ASXL1: variants seen among roughly 807,000 people sequenced by gnomAD.
The protein encoded by ASXL1 is ASXL transcriptional regulator 1, also known as polycomb group protein ASXL1.
In ASXL1, 65 loss-of-function variants were observed where a neutral mutation model predicts 89.1. The ratio of observed to expected loss-of-function variants is 0.73; its 90% CI spans 0.60 to 0.90. The LOEUF (loss-of-function observed/expected upper bound fraction) is 0.90. Ranked by LOEUF, ASXL1 falls within the 40% of genes least tolerant of loss-of-function variation. The pLI is 0.00. For synonymous variants in ASXL1, 739 were observed against 746.9 expected, an observed-to-expected ratio of 0.99 and a Z score of 0.17; for missense variants, 1,786 against 1,942.9, an observed-to-expected ratio of 0.92 and a Z score of 1.52.
intron 3 of ASXL1, among the ~76,000 whole-genome samples, chr20:32,368,437 C>G (rs2048241238): frequency 6.6e-6 from 1 of 152,056 alleles, no homozygotes. Flanking sequence ...AATAATTGTT[C>G]CTGGGTAGAT....
rs1292736851 is a variant in ASXL1, at chr20:32,358,800, A to G, written c.25A>G (p.Lys9Glu). 1.3e-6 allele frequency: 2 copies of G among 1,483,336 alleles called. No individual in the cohort carries two copies. The highest frequency in any genetic ancestry group is 1.2e-5 in the South Asian group (1 of 80,386). 91.9% of individuals were successfully genotyped at this position (1,483,336 alleles called of 1,614,324 possible). A position where few individuals can be genotyped will look rare whatever the true frequency, so the allele number is the denominator to read the frequency against. MKDKQKKK[K>E]ERTWAEAARL... ...GATGAAGGACAAACAGAAGAAGAAGAAGGAGCGCACGTGGGCCGAGGCCGC... is the reference window on the plus strand; with the variant it reads ...GATGAAGGACAAACAGAAGAAGAAGGAGGAGCGCACGTGGGCCGAGGCCGC... Residue 9 changes from lysine (K) to glutamate (E), a missense_variant, in exon 1 of 13, where the codon AAG becomes GAG. Physicochemically the swap from Lys to Glu is moderately conservative, Grantham distance 56 (BLOSUM62 1). Coordinates refer to ENST00000375687, the MANE Select transcript of ASXL1 (RefSeq NM_015338.6).
At chr20:32,411,551 T>C (rs1569296543) in intron 4 of ASXL1, among the ~76,000 whole-genome samples, 1 of 118,496 alleles carries the variant, frequency 8.4e-6, no homozygotes, top group East Asian at 4.2e-4. Context: ...TTTTTTTTTT[T>C]TTTTTTAAAA....
intron 4 of ASXL1, among the ~76,000 whole-genome samples, chr20:32,411,047 T>A (rs140878349): frequency 0.25 from 2,982 of 12,118 alleles, 594 homozygotes; most frequent in Middle Eastern, 0.55. Flanking sequence ...AAAAAAAAAA[T>A]AAAAAAAATA....
In ASXL1 at chr20:32,436,640, G is replaced by A. The variant is rs2145389621; in HGVS notation, c.3928G>A (p.Val1310Met). ...GAAGAAGCTTTTTGGCTCTGGGAAT[G>A]TGGCTGCAACCCTTCAGCGCCCCAG... Reference protein sequence around the residue: ...QGKKLFGSGNVAATLQRPRPA... With the variant: ...QGKKLFGSGNMAATLQRPRPA... The change falls in exon 13 of 13, where the codon GTG (valine) becomes ATG (methionine). Residue 1310 changes from valine to methionine, a missense_variant. By Grantham distance (21) the Val-to-Met change is conservative. Around this residue, in one of 3 missense-constraint regions of ASXL1, gnomAD observed 1,418 missense variants for 1,427.8 expected, o/e 0.99. Coordinates refer to ENST00000375687, the MANE Select transcript of ASXL1 (RefSeq NM_015338.6). The A allele has an allele frequency of 6.2e-7, 1 of 1,614,114 alleles. No individual in the cohort carries two copies. Among genetic ancestry groups the A allele is most frequent in the Non-Finnish European group, 8.5e-7 (1 of 1,180,040 alleles).
intron 4 of ASXL1, chr20:32,371,974 T>G (rs946063400): frequency 1.5e-5 from 7 of 468,664 alleles, no homozygotes; most frequent in Non-Finnish European, 2.6e-5. Context: ...ACATATATGT[T>G]TATTACAAAT....
chr20:32,438,746 C>G lies in ASXL1; in HGVS notation c.*1408C>G, dbSNP rs2012063922. On this transcript the variant is annotated 3_prime_UTR_variant, in exon 13 of 13. Coordinates refer to ENST00000375687, the MANE Select transcript of ASXL1 (RefSeq NM_015338.6). ...GCTCCAGGGTCACCACCTGTCACAG[C>G]AATACCTGGGACCATGCTCTCCTGG... 1 of 233,660 alleles carries G rather than the reference C, an allele frequency of 4.3e-6. No individual in the cohort carries two copies. The highest frequency in any genetic ancestry group is 6.0e-5 in the East Asian group (1 of 16,580). 14.5% of individuals were successfully genotyped at this position (233,660 alleles called of 1,614,324 possible).
At position 32,437,737 on chromosome 20, in the gene ASXL1, C is replaced by T. The variant is rs1006555454; in HGVS notation, c.*399C>T. The T allele has an allele frequency of 2.0e-5, 6 of 296,538 alleles. No individual in the cohort carries two copies. The highest frequency in any genetic ancestry group is 4.6e-5 in the Admixed American group (1 of 21,584). The allele number at this position is 296,538 out of a possible 1,614,324, so 18.4% of individuals were successfully genotyped here. ...AGAAATGCCAGTCTTCCACTACCCC[C>T]TCCCTGCCATCTTTTCTTCTGCTAC... On this transcript the variant is annotated 3_prime_UTR_variant, in exon 13 of 13. Transcript: ENST00000375687.
intron 4 of ASXL1, among the ~76,000 whole-genome samples, chr20:32,387,636 C>G (rs1478864699): frequency 9.2e-5 from 14 of 152,206 alleles, no homozygotes; most frequent in Admixed American, 9.2e-4. Flanking sequence ...GTCTGCAGTT[C>G]AGGGGATGAA....
intron 4 of ASXL1, among the ~76,000 whole-genome samples, chr20:32,398,880 A>AT (rs1174127046): frequency 6.5e-4 from 97 of 148,722 alleles, no homozygotes; most frequent in African/African-American, 2.3e-3. Flanking sequence ...AAGTGCTGGG[A>AT]TTACAGGCGT....
At chr20:32,396,249 G>A (rs983901877) in intron 4 of ASXL1, among the ~76,000 whole-genome samples, 6 of 151,992 alleles carry the variant, frequency 3.9e-5, no homozygotes, top group African/African-American at 1.2e-4. Context: ...GTCATTATGG[G>A]TCAGATTTCC....
chr20:32,434,639 G>A lies in ASXL1; in HGVS notation c.1927G>A (p.Gly643Arg), dbSNP rs773395454. The change falls in exon 13 of 13, where the codon GGG (glycine) becomes AGG (arginine). Residue 643 changes from glycine to arginine, a missense_variant. Around this residue, in one of 3 missense-constraint regions of ASXL1, gnomAD observed 1,418 missense variants for 1,427.8 expected, o/e 0.99. Transcript: ENST00000375687. ...AGAGGCGGCCACCACTGCCATCGGA[G>A]GGGGGGGTGGCCCGGGTGGAGGTGG... Reference protein sequence around the residue: ...HREAATTAIGGGGGPGGGGGG... With the variant: ...HREAATTAIGRGGGPGGGGGG... The A allele has an allele frequency of 4.4e-6, 7 of 1,593,710 alleles. No homozygotes were observed. The highest frequency in any genetic ancestry group is 2.3e-5 in the East Asian group (1 of 43,954).
rs1327891117 is a variant in ASXL1 at position 32,438,774 on chromosome 20, CTG to C, written c.*1439_*1440del. 4.3e-6 allele frequency: 1 copy of C among 233,498 alleles called. No homozygotes were observed. Among genetic ancestry groups the C allele is most frequent in the Non-Finnish European group, 8.5e-6 (1 of 118,032 alleles). 14.5% of individuals were successfully genotyped at this position (233,498 alleles called of 1,614,324 possible). A position where few individuals can be genotyped will look rare whatever the true frequency, so the allele number is the denominator to read the frequency against. Reference sequence around the variant, plus strand: ...TACCTGGGACCATGCTCTCCTGGGACTGTGAGGCTCCTTTTGACGTACTTTTG... The same window carrying C: ...TACCTGGGACCATGCTCTCCTGGGACTGAGGCTCCTTTTGACGTACTTTTG... On this transcript the variant is annotated 3_prime_UTR_variant, in exon 13 of 13. Transcript: ENST00000375687.
chr20:32,429,966 G>T lies in ASXL1; in HGVS notation c.631G>T (p.Ala211Ser), dbSNP rs2123223747. 2 of 1,609,104 alleles carry T rather than the reference G, an allele frequency of 1.2e-6. No homozygotes were observed. The highest frequency in any genetic ancestry group is 8.5e-7 in the Non-Finnish European group (1 of 1,179,852). Residue 211 changes from alanine to serine, a missense_variant, in exon 8 of 13, where the codon GCC (alanine) becomes TCC (serine). This residue lies in a region of ASXL1 where 332 missense variants were observed against 449.7 expected (regional missense o/e 0.74). Coordinates refer to ENST00000375687, the MANE Select transcript of ASXL1 (RefSeq NM_015338.6). This position sits in a 1 kb window ranked among gnomAD's most constrained non-coding sequence, Gnocchi z 4.9. The part of the protein sequence containing the change: ...SPSSSSSGSL[A>S]LGSAAIRGQA... ...GTCCAGCAGCAGCAGCGGCTCTCTG[G>T]CCCTGGGCAGCGCTGCTATTCGTGG... is the stretch of plus-strand genomic sequence containing the variant.
Position 32,435,711 on chromosome 20 carries a change from A to G in ASXL1, c.2999A>G (p.Asp1000Gly), listed in dbSNP as rs781631529. The change falls in exon 13 of 13, where the codon GAT becomes GGT. Residue 1000 changes from aspartate (D) to glycine (G), a missense_variant. This residue lies in a region of ASXL1 where 1,418 missense variants were observed against 1,427.8 expected (regional missense o/e 0.99). Transcript: ENST00000375687. ...CTGAGTCCTCACGGTGAGTCCACGGATACAGCCTCTGACTTTGAAGGTCAC... is the reference window on the plus strand; with the variant it reads ...CTGAGTCCTCACGGTGAGTCCACGGGTACAGCCTCTGACTTTGAAGGTCAC... ...EALSPHGEST[D>G]TASDFEGHLT... The G allele has an allele frequency of 2.5e-6, 4 of 1,614,226 alleles. No individual in the cohort carries two copies. In the East Asian group the frequency reaches 6.7e-5, roughly 27 times the overall value.
At chr20:32,391,873 C>G (rs1020432343) in intron 4 of ASXL1, among the ~76,000 whole-genome samples, 1 of 152,116 alleles carries the variant, frequency 6.6e-6, no homozygotes, top group African/African-American at 2.4e-5. Context: ...ATAGTCACTC[C>G]AGTTCTTTTC....
intron 4 of ASXL1, chr20:32,372,600 A>ATT: frequency 4.8e-6 from 1 of 208,486 alleles, no homozygotes; most frequent in Non-Finnish European, 8.7e-6. Context: ...TTATTTATTT[A>ATT]TTTTTTTTTT....
intron 4 of ASXL1, among the ~76,000 whole-genome samples, chr20:32,421,810 G>A (rs1481192047): frequency 1.3e-5 from 2 of 151,776 alleles, no homozygotes; most frequent in Non-Finnish European, 1.5e-5. Flanking sequence ...GTACGTTATG[G>A]AGATAGAAGT....
Position 32,405,249 on chromosome 20 carries a change from A to G in ASXL1, c.253-22879A>G, listed in dbSNP as rs191185866. On this transcript the variant is annotated intron_variant, in intron 4 of 12. Transcript: ENST00000375687. ...TGCCTCAGCCTCCTGAGTAGCTGGG[A>G]CAAGTGTGTGCCACCATGCCTGGCT... Among the ~76,000 whole-genome samples the G allele has an allele frequency of 4.3e-4, 66 of 152,218 alleles. 3 individuals carry two copies. The East Asian group carries it at 0.012, about 27-fold the overall frequency.
At chr20:32,393,558 G>A (rs538381527) in intron 4 of ASXL1, among the ~76,000 whole-genome samples, 11 of 152,122 alleles carry the variant, frequency 7.2e-5, no homozygotes, top group African/African-American at 2.2e-4. Context: ...TCCAACCTCC[G>A]TTTCCCGGGT....
Sources: allele counts gnomAD v4.1 joint callset (sites outside exome capture counted in the v4.1 genomes callset), GRCh38; gene constraint gnomAD v4.1.1; regional missense constraint gnomAD v4.1.1; non-coding constraint Gnocchi (gnomAD v3.1); transcripts MANE v1.5; gene names NCBI Gene and HGNC (gene_info 2026-07-23, HGNC 2026-07-21).